Variants in KIAA2012 observed in about 807,000 individuals in gnomAD.
KIAA2012 encodes the protein uncharacterized protein KIAA2012.
Under a neutral mutation model 150.6 loss-of-function variants are expected in KIAA2012, and 125 were observed. The ratio of observed to expected loss-of-function variants is 0.83; its 90% CI spans 0.72 to 0.96. The LOEUF is 0.96. Among genes scored for constraint, KIAA2012 ranks in the 40% least tolerant of loss-of-function variants. KIAA2012 has a pLI of 0.00. For synonymous variants in KIAA2012, 462 were observed against 504.7 expected (o/e 0.92, Z 1.13); for missense variants, 1,219 against 1,354.9 (o/e 0.90, Z 1.57).
rs190200760 is a variant in KIAA2012 at position 202,116,922 on chromosome 2, C to G, written c.1762+3476C>G. The G allele has an allele frequency of 2.0e-5, 3 of 152,314 alleles. No individual in the cohort carries two copies. The East Asian group carries it at 5.8e-4, about 29-fold the overall frequency. 9.4% of individuals were successfully genotyped at this position (152,314 alleles called of 1,614,324 possible). On this transcript the variant is annotated intron_variant, in intron 11 of 23. Transcript: ENST00000498697. ...GCCAACCACCATGTCTGTGATGAGG[C>G]CACTCAAGCAGCCTATGGCAAGCAG...
chr2:202,134,595 C>A (rs1266920064), intron 12 of KIAA2012, among the ~76,000 whole-genome samples: 1 of 152,228 alleles, frequency 6.6e-6, no homozygotes, highest in Non-Finnish European at 1.5e-5. Context: ...GCTCTTGTTG[C>A]CCAGGCTGGA....
chr2:202,133,109 A>AAAAATATATATATAT (rs766606713), intron 12 of KIAA2012, among the ~76,000 whole-genome samples: 4 of 87,880 alleles, frequency 4.6e-5, no homozygotes, highest in African/African-American at 1.4e-4. Flanking sequence ...TCTAAAAAAA[A>AAAAATATATATATAT]ATATATATAT....
Position 202,099,681 on chromosome 2 carries a change from A to G in KIAA2012, c.897A>G (p.Gln299=). 6.4e-7 allele frequency: 1 copy of G among 1,550,524 alleles called. No individual in the cohort carries two copies. ...AGAGCTACAATGAAAAGACACAGCA[A>G]ACCTCCAGGAAGGCCTTTGGGCATG... ...SKESYNEKTQ[Q]TSRKAFGHGR... Residue 299 remains glutamine, a synonymous_variant, in exon 6 of 24, where the codon CAA becomes CAG. Transcript: ENST00000498697.
chr2:202,097,408 A>C, intron 4 of KIAA2012, 27 bp from the exon 5 acceptor site: 6 of 1,549,758 alleles, frequency 3.9e-6, no homozygotes, highest in Non-Finnish European at 5.2e-6. Context: ...CCAGGGTGAC[A>C]AGCTGACCCA....
At chr2:202,185,276 T>G (rs941246865) in intron 16 of KIAA2012, among the ~76,000 whole-genome samples, 1 of 152,196 alleles carries the variant, frequency 6.6e-6, no homozygotes, top group Non-Finnish European at 1.5e-5. Context: ...GTGCTTCCCA[T>G]GTACTGTACT....
chr2:202,078,073 G>C (rs989001440), intron 2 of KIAA2012, among the ~76,000 whole-genome samples: 2 of 152,186 alleles, frequency 1.3e-5, no homozygotes, highest in Non-Finnish European at 2.9e-5. Context: ...CCACTTTTAG[G>C]AGCTGGCCCT....
chr2:202,105,953 T>G lies in KIAA2012; in HGVS notation c.1474+43T>G, dbSNP rs907802320. 6.4e-6 allele frequency: 10 copies of G among 1,550,498 alleles called. 1 individual carries two copies. The highest frequency in any genetic ancestry group is 1.7e-4 in the Middle Eastern group (1 of 6,014). Reference sequence around the variant, plus strand: ...CCAGCATCCCTCGGGAACCTCACTCTGAAGGGAAGCAAGGCAAGACACACA... The same window carrying G: ...CCAGCATCCCTCGGGAACCTCACTCGGAAGGGAAGCAAGGCAAGACACACA... On this transcript the variant is annotated intron_variant, in intron 9 of 23. Transcript: ENST00000498697.
At position 202,073,591 on chromosome 2, in the gene KIAA2012, A is replaced by G; in HGVS notation, c.-37A>G. 6.5e-7 allele frequency: 1 copy of G among 1,543,196 alleles called. No individual in the cohort carries two copies. Among genetic ancestry groups the G allele is most frequent in the Non-Finnish European group, 8.8e-7 (1 of 1,141,612 alleles). On this transcript the variant is annotated 5_prime_UTR_variant, in exon 1 of 24. An upstream start codon of the reference 5' UTR is lost. Transcript: ENST00000498697. ...CCAGATTTCAGCCTTCAAAACCAAGATGGACTGCCCTTGAGAAGGGGTGGT... is the reference window on the plus strand; with the variant it reads ...CCAGATTTCAGCCTTCAAAACCAAGGTGGACTGCCCTTGAGAAGGGGTGGT...
intron 12 of KIAA2012, 74 bp from the exon 13 acceptor site, chr2:202,138,358 A>G (rs1203317154): frequency 6.9e-5 from 57 of 828,458 alleles, no homozygotes; most frequent in African/African-American, 1.1e-4. Flanking sequence ...GTGTGTGTGT[A>G]TGGTATATAT....
At chr2:202,133,130 A>ATATATATATTTTTTTTTTTT (rs1279080237) in intron 12 of KIAA2012, among the ~76,000 whole-genome samples, 1 of 67,788 alleles carries the variant, frequency 1.5e-5, no homozygotes. Context: ...ATATATATAT[A>ATATATATATTTTTTTTTTTT]TTTTTTTTTT....
intron 1 of KIAA2012, 91 bp downstream of exon 1, chr2:202,073,802 G>C: frequency 8.7e-7 from 1 of 1,154,744 alleles, no homozygotes; most frequent in Non-Finnish European, 1.2e-6. Context: ...GTGTGTCTTG[G>C]TTTGTGTTGT....
intron 12 of KIAA2012, among the ~76,000 whole-genome samples, chr2:202,127,012 C>T (rs1166848085): frequency 6.6e-6 from 1 of 152,068 alleles, no homozygotes; most frequent in Admixed American, 6.6e-5. Flanking sequence ...CTCCGTTTCC[C>T]CCTCCAATTC....
At chr2:202,195,525 AAAAAAAG>A (rs954956197) in intron 21 of KIAA2012, among the ~76,000 whole-genome samples, 4 of 152,096 alleles carry the variant, frequency 2.6e-5, no homozygotes, top group African/African-American at 7.2e-5. Context: ...CTGTCTAAAA[AAAAAAAG>A]AAAAAAGAAA....
chr2:202,168,874 GAA>G (rs1691827665), intron 15 of KIAA2012, among the ~76,000 whole-genome samples: 1 of 152,140 alleles, frequency 6.6e-6, no homozygotes, highest in African/African-American at 2.4e-5. Context: ...GAAATTCTCA[GAA>G]ACAAATAAGC....
At chr2:202,149,720 G>A (rs192636133) in intron 13 of KIAA2012, among the ~76,000 whole-genome samples, 1 of 152,340 alleles carries the variant, frequency 6.6e-6, no homozygotes, top group East Asian at 1.9e-4. Context: ...CTTATCTCTG[G>A]TGGCTCTGTG....
chr2:202,134,045 A>G (rs1691012412), intron 12 of KIAA2012, among the ~76,000 whole-genome samples: 2 of 152,190 alleles, frequency 1.3e-5, no homozygotes, highest in African/African-American at 4.8e-5. Flanking sequence ...AAAAAAACAC[A>G]AAACCATGAA....
intron 2 of KIAA2012, among the ~76,000 whole-genome samples, chr2:202,079,587 T>C (rs1689398671): frequency 6.6e-6 from 1 of 152,234 alleles, no homozygotes; most frequent in Non-Finnish European, 1.5e-5. Context: ...TAGCTCAGCA[T>C]ACATCCACCC....
intron 22 of KIAA2012, 46 bp from the exon 23 acceptor site, chr2:202,202,383 G>A: frequency 2.5e-6 from 1 of 400,800 alleles, no homozygotes; most frequent in Admixed American, 4.3e-5. Context: ...ACAATTTCTA[G>A]GGTGTTTAAT....
At chr2:202,117,290 A>G (rs1219253875) in intron 11 of KIAA2012, among the ~76,000 whole-genome samples, 1 of 152,248 alleles carries the variant, frequency 6.6e-6, no homozygotes, top group African/African-American at 2.4e-5. Flanking sequence ...AGATGAGTCT[A>G]AGAATATCCC....
Sources: gnomAD v4.1 joint callset for allele counts (sites outside exome capture counted in the v4.1 genomes callset) on GRCh38, gnomAD v4.1.1 for gene constraint, MANE v1.5 for transcripts, NCBI Gene and HGNC (gene_info 2026-07-23, HGNC 2026-07-21) for gene names.